Variants in TOX observed in about 807,000 individuals in gnomAD.
The protein encoded by TOX is thymocyte selection associated high mobility group box.
A neutral mutation model predicts 53.7 loss-of-function variants in TOX; 11 were observed. The observed-to-expected ratio is 0.20, with a 90% CI of 0.13 to 0.34. TOX has a LOEUF of 0.34. Among genes scored for constraint, TOX ranks in the 10% least tolerant of loss-of-function variants. The pLI is 1.00. For missense variants in TOX, 570 were observed against 664.6 expected (o/e 0.86, Z 1.56); for synonymous variants, 225 against 245.3 (o/e 0.92, Z 0.77).
chr8:59,047,146 G>A (rs1481618665), intron 1 of TOX, among the ~76,000 whole-genome samples: 1 of 145,252 alleles, frequency 6.9e-6, no homozygotes, highest in African/African-American at 2.5e-5. Flanking sequence ...TGCACTCACT[G>A]TGCAAACTAA....
chr8:58,956,175 T>C (rs1222965869), intron 2 of TOX, among the ~76,000 whole-genome samples: 1 of 152,238 alleles, frequency 6.6e-6, no homozygotes, highest in Non-Finnish European at 1.5e-5. Context: ...CTGCTTCTTT[T>C]GACGTATTTA....
intron 1 of TOX, among the ~76,000 whole-genome samples, chr8:58,968,311 C>G (rs888091449): frequency 2.0e-5 from 3 of 152,188 alleles, no homozygotes; most frequent in Non-Finnish European, 4.4e-5. Flanking sequence ...AAATGAGGAG[C>G]AAAGACTTCG....
chr8:59,109,071 T>C (rs766296726), intron 1 of TOX, among the ~76,000 whole-genome samples: 1 of 152,220 alleles, frequency 6.6e-6, no homozygotes, highest in South Asian at 2.1e-4. Context: ...TAACACTGAT[T>C]AATTTCTTAG....
At chr8:58,838,699 C>CTTTTTCTTTTTTTTTTTT (rs1810590887) in intron 4 of TOX, among the ~76,000 whole-genome samples, 2 of 88,912 alleles carry the variant, frequency 2.2e-5, no homozygotes, top group African/African-American at 1.2e-4. Context: ...TTATCCTTGT[C>CTTTTTCTTTTTTTTTTTT]TTTTTTTTTT....
intron 2 of TOX, among the ~76,000 whole-genome samples, chr8:58,956,269 G>A (rs1434484992): frequency 6.6e-6 from 1 of 152,148 alleles, no homozygotes; most frequent in African/African-American, 2.4e-5. Context: ...AGCTGGAGAA[G>A]GGGGCTGAAG....
intron 1 of TOX, among the ~76,000 whole-genome samples, chr8:58,981,172 T>A (rs895746196): frequency 5.3e-5 from 8 of 152,232 alleles, no homozygotes; most frequent in African/African-American, 1.9e-4. Flanking sequence ...ACTCTGTGGA[T>A]GTCAAATTGC....
chr8:59,103,198 T>TA (rs1468024303), intron 1 of TOX, among the ~76,000 whole-genome samples: 1 of 152,144 alleles, frequency 6.6e-6, no homozygotes, highest in Non-Finnish European at 1.5e-5. Flanking sequence ...TAGACTAAGA[T>TA]AAAATACTTT....
In TOX at chr8:58,815,434, G is replaced by A; in HGVS notation, c.1296C>T (p.Asn432=). Residue 432 remains asparagine, a synonymous_variant, in exon 7 of 9, where the codon AAC becomes AAT. Coordinates refer to ENST00000361421, the MANE Select transcript of TOX (RefSeq NM_014729.3). ...TGGTGAGCGGCTGGTGCTGCTGCATGTTGAGATGCTGGTGAAGAGGCGGGC... is the reference window on the plus strand; with the variant it reads ...TGGTGAGCGGCTGGTGCTGCTGCATATTGAGATGCTGGTGAAGAGGCGGGC... ...QISPPLHQHL[N]MQQHQPLTMQ... is the part of the protein sequence containing the mutation. The A allele has an allele frequency of 6.2e-7, 1 of 1,614,136 alleles. No individual in the cohort carries two copies. The highest frequency in any genetic ancestry group is 2.2e-5 in the East Asian group (1 of 44,858).
At chr8:58,957,145 G>C (rs955720404) in intron 2 of TOX, among the ~76,000 whole-genome samples, 3 of 152,180 alleles carry the variant, frequency 2.0e-5, no homozygotes, top group African/African-American at 7.2e-5. Flanking sequence ...AGTTCAGGAG[G>C]CATTAAGCAA....
chr8:58,930,641 C>T (rs1021747390), intron 3 of TOX, among the ~76,000 whole-genome samples: 3 of 152,144 alleles, frequency 2.0e-5, no homozygotes, highest in African/African-American at 7.2e-5. Flanking sequence ...CTAGAAGAAG[C>T]ACTGGAGGAA....
intron 1 of TOX, among the ~76,000 whole-genome samples, chr8:59,006,615 A>ATT (rs1257627913): frequency 6.6e-6 from 1 of 152,184 alleles, no homozygotes; most frequent in Non-Finnish European, 1.5e-5. Context: ...CTCACAAAGG[A>ATT]CCTAATATAT....
At chr8:59,061,272 C>T (rs1417651560) in intron 1 of TOX, among the ~76,000 whole-genome samples, 2 of 152,174 alleles carry the variant, frequency 1.3e-5, no homozygotes, top group African/African-American at 4.8e-5. Flanking sequence ...AATGCTTCAG[C>T]TTCTAAATAA....
chr8:58,939,045 C>T (rs1232752676), intron 3 of TOX, among the ~76,000 whole-genome samples: 1 of 152,192 alleles, frequency 6.6e-6, no homozygotes, highest in African/African-American at 2.4e-5. Context: ...TATGACAGCA[C>T]ATTCAGTGTC....
At chr8:59,112,087 TA>T (rs1024304980) in intron 1 of TOX, among the ~76,000 whole-genome samples, 1 of 152,146 alleles carries the variant, frequency 6.6e-6, no homozygotes, top group African/African-American at 2.4e-5. Context: ...TAGATCAAAC[TA>T]AAGAAGTGTG....
intron 1 of TOX, among the ~76,000 whole-genome samples, chr8:58,986,014 C>T (rs191417126): frequency 7.2e-4 from 110 of 152,230 alleles, no homozygotes; most frequent in Non-Finnish European, 1.1e-3. Context: ...AATTTATGTG[C>T]TCTGATTATT....
At chr8:59,100,135 T>G (rs1239701128) in intron 1 of TOX, among the ~76,000 whole-genome samples, 1 of 152,090 alleles carries the variant, frequency 6.6e-6, no homozygotes, top group Non-Finnish European at 1.5e-5. Flanking sequence ...GAAAAGGAGC[T>G]CTACACTGGG....
At chr8:59,050,314 T>C (rs1803764592) in intron 1 of TOX, among the ~76,000 whole-genome samples, 1 of 152,136 alleles carries the variant, frequency 6.6e-6, no homozygotes, top group African/African-American at 2.4e-5. Flanking sequence ...AAAGTTTTAT[T>C]CTCCCTTCCA....
intron 1 of TOX, among the ~76,000 whole-genome samples, chr8:59,016,541 C>G (rs1427277610): frequency 6.6e-6 from 1 of 152,162 alleles, no homozygotes; most frequent in African/African-American, 2.4e-5. Context: ...CACTTATGCT[C>G]ATAATAGATG....
intron 4 of TOX, among the ~76,000 whole-genome samples, chr8:58,841,634 T>C (rs1810643934): frequency 6.6e-6 from 1 of 152,192 alleles, no homozygotes; most frequent in Non-Finnish European, 1.5e-5. Context: ...ACTTGAAATT[T>C]GTTAAGAGAG....
Sources: gnomAD v4.1 joint callset for allele counts (sites outside exome capture counted in the v4.1 genomes callset) on GRCh38, gnomAD v4.1.1 for gene constraint, MANE v1.5 for transcripts, NCBI Gene and HGNC (gene_info 2026-07-23, HGNC 2026-07-21) for gene names.